The following SMIM3 variants were observed in gnomAD, a reference collection of about 807,000 sequenced individuals.
The protein encoded by SMIM3 is NGF-induced differentiation clone 67 protein.
SMIM3 carries 4 observed loss-of-function variants against 2.1 expected under a neutral mutation model. That is an observed-to-expected ratio of 1.89 (90% CI 0.93 to 4.31). The LOEUF (loss-of-function observed/expected upper bound fraction) is 4.31, where lower values mean the gene tolerates loss of function less well. SMIM3 is among the 30% of genes most tolerant of loss of function. The pLI is 0.01. For missense variants in SMIM3, 79 were observed against 77.7 expected (o/e 1.02, Z -0.06); for synonymous variants, 29 against 30.8 (o/e 0.94, Z 0.19).
chr5:150,780,755 T>C lies in SMIM3; in HGVS notation c.-12+1783T>C, dbSNP rs149884478. 8.3e-3 allele frequency among the ~76,000 whole-genome samples: 1,268 copies of C among 152,282 alleles called. 9 individuals are homozygous for C. The highest frequency in any genetic ancestry group is 0.011 in the Non-Finnish European group (740 of 68,018). On this transcript the variant is annotated intron_variant, in intron 1 of 1. Coordinates refer to ENST00000526627, the MANE Select transcript of SMIM3 (RefSeq NM_032947.5). ...CAATCCTTTAAACGTTGTGCCTCCA[T>C]TTCTTCTCTATGGATTGAAACATGC...
At chr5:150,783,073 G>T (rs1753252945) in intron 1 of SMIM3, among the ~76,000 whole-genome samples, 1 of 152,246 alleles carries the variant, frequency 6.6e-6, no homozygotes, top group African/African-American at 2.4e-5. Flanking sequence ...AACAGAGTGG[G>T]TCGGGAAAAA....
rs780122334 is a variant in SMIM3 at position 150,778,988 on chromosome 5, G to A, written c.-12+16G>A. On this transcript the variant is annotated intron_variant, in intron 1 of 1. Transcript: ENST00000526627. ...GCCATCTGGGGTGAGTGGGGCCACCGGGGGATTGTTTGTGGGGCTCTGGCA... is the reference window on the plus strand; with the variant it reads ...GCCATCTGGGGTGAGTGGGGCCACCAGGGGATTGTTTGTGGGGCTCTGGCA... The A allele has an allele frequency of 2.0e-6, 1 of 491,068 alleles. No homozygotes were observed. 30.4% of individuals were successfully genotyped at this position (491,068 alleles called of 1,614,324 possible).
At chr5:150,790,025 T>C (rs1383567375) in intron 1 of SMIM3, among the ~76,000 whole-genome samples, 2 of 152,210 alleles carry the variant, frequency 1.3e-5, no homozygotes. Context: ...AAGAATTTCA[T>C]TTATTCATCT....
chr5:150,781,220 A>G (rs1753229887), intron 1 of SMIM3, among the ~76,000 whole-genome samples: 1 of 152,074 alleles, frequency 6.6e-6, no homozygotes. Flanking sequence ...AATTGGGGGG[A>G]ACTAGGTTCA....
chr5:150,786,728 A>G (rs1561723859), intron 1 of SMIM3, among the ~76,000 whole-genome samples: 1 of 152,182 alleles, frequency 6.6e-6, no homozygotes, highest in South Asian at 2.1e-4. Flanking sequence ...TGATGACTCC[A>G]ATATCTGGAG....
chr5:150,785,223 G>T (rs977559776), intron 1 of SMIM3, among the ~76,000 whole-genome samples: 12 of 151,682 alleles, frequency 7.9e-5, no homozygotes, highest in Admixed American at 7.9e-4. Flanking sequence ...GAGTAGCTGG[G>T]ATTACAGACG....
At chr5:150,787,241 T>C (rs1006463151) in intron 1 of SMIM3, among the ~76,000 whole-genome samples, 5 of 152,188 alleles carry the variant, frequency 3.3e-5, no homozygotes, top group African/African-American at 1.2e-4. Flanking sequence ...AGAGTCCTGC[T>C]TTTTCTCAAG....
At chr5:150,791,666 T>A (rs1753351174) in intron 1 of SMIM3, among the ~76,000 whole-genome samples, 1 of 152,182 alleles carries the variant, frequency 6.6e-6, no homozygotes, top group Non-Finnish European at 1.5e-5. Flanking sequence ...AATAGACACT[T>A]AGGTTTATTC....
chr5:150,791,146 A>C (rs1421404493), intron 1 of SMIM3, among the ~76,000 whole-genome samples: 2 of 152,196 alleles, frequency 1.3e-5, no homozygotes, highest in Non-Finnish European at 2.9e-5. Flanking sequence ...CTTTCTTGAG[A>C]GTACACTCAG....
At chr5:150,786,749 CT>C (rs1231716330) in intron 1 of SMIM3, among the ~76,000 whole-genome samples, 5 of 151,964 alleles carry the variant, frequency 3.3e-5, no homozygotes, top group African/African-American at 7.3e-5. Context: ...CCCCGGTAGA[CT>C]TTTTTTTCTA....
chr5:150,791,901 G>C (rs1295748286), intron 1 of SMIM3, among the ~76,000 whole-genome samples: 1 of 152,152 alleles, frequency 6.6e-6, no homozygotes, highest in East Asian at 1.9e-4. Context: ...AATGATTGAT[G>C]TGGAGTAAGT....
intron 1 of SMIM3, among the ~76,000 whole-genome samples, chr5:150,781,488 T>C (rs987417466): frequency 6.6e-6 from 1 of 152,234 alleles, no homozygotes; most frequent in Non-Finnish European, 1.5e-5. Flanking sequence ...CTAAACCATA[T>C]ACTTTAAATT....
chr5:150,791,934 G>A (rs1041334133), intron 1 of SMIM3, among the ~76,000 whole-genome samples: 3 of 152,178 alleles, frequency 2.0e-5, no homozygotes, highest in Admixed American at 2.0e-4. Flanking sequence ...TTAAATGAAT[G>A]AATGAATGGG....
intron 1 of SMIM3, among the ~76,000 whole-genome samples, chr5:150,795,073 C>A (rs1319646991): frequency 6.6e-6 from 1 of 152,154 alleles, no homozygotes; most frequent in Non-Finnish European, 1.5e-5. Context: ...CATCTGGGTT[C>A]ATGTTCTCGG....
At chr5:150,783,443 A>G (rs1364767336) in intron 1 of SMIM3, among the ~76,000 whole-genome samples, 1 of 152,236 alleles carries the variant, frequency 6.6e-6, no homozygotes, top group Non-Finnish European at 1.5e-5. Context: ...TTGAAGAGTC[A>G]TGTATCTTTG....
chr5:150,790,210 G>A (rs1753336176), intron 1 of SMIM3, among the ~76,000 whole-genome samples: 1 of 152,130 alleles, frequency 6.6e-6, no homozygotes, highest in Admixed American at 6.5e-5. Context: ...CTTGATTGTG[G>A]ATGAGCCCCG....
chr5:150,782,956 T>A (rs935733102), intron 1 of SMIM3, among the ~76,000 whole-genome samples: 5 of 152,200 alleles, frequency 3.3e-5, no homozygotes, highest in Non-Finnish European at 7.3e-5. Flanking sequence ...AACAAGTCTT[T>A]AGCCTGATAG....
chr5:150,782,669 A>G (rs1240387493), intron 1 of SMIM3, among the ~76,000 whole-genome samples: 1 of 152,164 alleles, frequency 6.6e-6, no homozygotes, highest in East Asian at 1.9e-4. Context: ...AAAATGATAA[A>G]ATCAGAGGAC....
chr5:150,779,647 C>T (rs1753211018), intron 1 of SMIM3, among the ~76,000 whole-genome samples: 1 of 152,148 alleles, frequency 6.6e-6, no homozygotes. Context: ...TGTCCCTTTC[C>T]TGAGGACGTA....
Sources: allele counts gnomAD v4.1 joint callset (sites outside exome capture counted in the v4.1 genomes callset), GRCh38; gene constraint gnomAD v4.1.1; transcripts MANE v1.5; gene names NCBI Gene and HGNC (gene_info 2026-07-23, HGNC 2026-07-21).